The following SSMEM1 variants were observed in gnomAD, a reference collection of about 807,000 sequenced individuals.
SSMEM1 encodes serine-rich single-pass membrane protein 1.
In SSMEM1, 12 loss-of-function variants were observed where a neutral mutation model predicts 9.9. That is an observed-to-expected ratio of 1.21 (90% CI 0.78 to 1.96). The LOEUF (loss-of-function observed/expected upper bound fraction) is 1.96, where lower values mean the gene tolerates loss of function less well. SSMEM1 is among the 30% of genes most tolerant of loss of function. The pLI, the probability that SSMEM1 is intolerant of heterozygous loss-of-function variation, is 0.00. For missense variants in SSMEM1, 259 were observed against 292.2 expected (o/e 0.89, Z 0.83); for synonymous variants, 96 against 98.9 (o/e 0.97, Z 0.17).
intron 1 of SSMEM1, among the ~76,000 whole-genome samples, chr7:130,212,210 TG>T (rs1014083375): frequency 7.2e-5 from 11 of 152,174 alleles, no homozygotes; most frequent in Non-Finnish European, 1.6e-4. Flanking sequence ...TATGGAGTAT[TG>T]GGGGGCAGAA....
chr7:130,205,988 C>T (rs971558102), upstream of SSMEM1, among the ~76,000 whole-genome samples: 1 of 152,156 alleles, frequency 6.6e-6, no homozygotes, highest in Non-Finnish European at 1.5e-5. Context: ...TGGCCCACCG[C>T]GCCCGGCCTA....
rs1456962768 is a variant in SSMEM1 at position 130,216,647 on chromosome 7, A to C, written c.*177A>C. On this transcript the variant is annotated 3_prime_UTR_variant, in exon 3 of 3. Transcript: ENST00000297819. ...CACAATTCTTCGTTCAAAAAAAAAA[A>C]GGCCATCACGTGTTTATGGCACCAT... 1 of 748,828 alleles carries C rather than the reference A, an allele frequency of 1.3e-6. No homozygotes were observed. Among genetic ancestry groups the C allele is most frequent in the Non-Finnish European group, 2.1e-6 (1 of 478,848 alleles). The allele number at this position is 748,828 out of a possible 1,614,324, so 46.4% of individuals were successfully genotyped here.
At chr7:130,210,586 A>G (rs2633381) in intron 1 of SSMEM1, among the ~76,000 whole-genome samples, 151,242 of 152,328 alleles carry the variant, frequency 0.99, 75,088 homozygotes, top group Middle Eastern at 1. Flanking sequence ...TAATCCAAAC[A>G]CCTTATTTTG....
Position 130,207,919 on chromosome 7 carries a change from C to G in SSMEM1, c.9C>G (p.Asp3Glu). 2 of 1,613,524 alleles carry G rather than the reference C, an allele frequency of 1.2e-6. No individual in the cohort carries two copies. Among genetic ancestry groups the G allele is most frequent in the East Asian group, 2.2e-5 (1 of 44,816 alleles). MGDLFSLFWEVDP... is the reference protein window; with the variant it reads MGELFSLFWEVDP... The stretch of plus-strand genomic sequence containing the variant: ...CTGAGCAAGGAGTCATCATGGGAGA[C>G]CTTTTTTCCTTATTTTGGGAGGTAG... Residue 3 changes from aspartate (D) to glutamate (E), a missense_variant, in exon 1 of 3, where the codon GAC becomes GAG. Coordinates refer to ENST00000297819, the MANE Select transcript of SSMEM1 (RefSeq NM_145268.4).
At chr7:130,206,315 C>G (rs557930745), upstream of SSMEM1, among the ~76,000 whole-genome samples, 2 of 152,280 alleles carry the variant, frequency 1.3e-5, no homozygotes, top group Non-Finnish European at 2.9e-5. Context: ...CCCAAGGAGG[C>G]GCATCCAGCC....
chr7:130,214,888 C>T (rs1210820901), intron 2 of SSMEM1, among the ~76,000 whole-genome samples: 1 of 152,202 alleles, frequency 6.6e-6, no homozygotes, highest in Non-Finnish European at 1.5e-5. Context: ...ACATCAAGCC[C>T]TGATGTTTAG....
At chr7:130,208,595 C>T (rs1798533284) in intron 1 of SSMEM1, among the ~76,000 whole-genome samples, 1 of 152,204 alleles carries the variant, frequency 6.6e-6, no homozygotes, top group African/African-American at 2.4e-5. Flanking sequence ...CTATGTAATG[C>T]TGGCATAAAC....
chr7:130,206,644 GAACT>G (rs1196615206), upstream of SSMEM1, among the ~76,000 whole-genome samples: 1 of 152,200 alleles, frequency 6.6e-6, no homozygotes, highest in East Asian at 1.9e-4. Context: ...ATTTAGAGAT[GAACT>G]AACTGGAAAA....
At chr7:130,207,102 CTG>C (rs1485276244), upstream of SSMEM1, 4 of 156,448 alleles carry the variant, frequency 2.6e-5, no homozygotes, top group East Asian at 5.8e-4. Context: ...ACGGGCACAT[CTG>C]TGTTTTTCCC....
In SSMEM1 at chr7:130,207,905, G is replaced by C. The variant is rs1418520442; in HGVS notation, c.-6G>C. ...GCATGGTTTATTTTCTGAGCAAGGA[G>C]TCATCATGGGAGACCTTTTTTCCTT... On this transcript the variant is annotated 5_prime_UTR_variant, in exon 1 of 3. Transcript: ENST00000297819. The C allele has an allele frequency of 8.1e-6, 13 of 1,612,764 alleles. No homozygotes were observed. The highest frequency in any genetic ancestry group is 1.1e-5 in the Non-Finnish European group (13 of 1,179,564).
upstream of SSMEM1, chr7:130,207,652 T>C (rs1798511721): frequency 3.5e-5 from 19 of 549,486 alleles, no homozygotes; most frequent in South Asian, 3.3e-4. Flanking sequence ...CATATACAAG[T>C]TTTAGGAAAA....
At chr7:130,213,815 C>T (rs1267940044) in intron 2 of SSMEM1, among the ~76,000 whole-genome samples, 3 of 151,886 alleles carry the variant, frequency 2.0e-5, no homozygotes, top group Non-Finnish European at 4.4e-5. Flanking sequence ...CAGCCAACAG[C>T]ATTGTAAGAC....
At position 130,208,027 on chromosome 7, in the gene SSMEM1, G is replaced by C. The variant is rs1798521295; in HGVS notation, c.117G>C (p.Gly39=). Residue 39 remains glycine, a synonymous_variant, in exon 1 of 3, where the codon GGG becomes GGC. Transcript: ENST00000297819. ...CWKDDSCGTI[G]SFLLWYFVIV... is the part of the protein sequence containing the mutation. ...AGGATGACTCTTGTGGAACCATAGGGAGCTTCCTGCTTTGGTATTTTGTTA... is the reference window on the plus strand; with the variant it reads ...AGGATGACTCTTGTGGAACCATAGGCAGCTTCCTGCTTTGGTATTTTGTTA... 1 of 1,613,946 alleles carries C rather than the reference G, an allele frequency of 6.2e-7. No individual in the cohort carries two copies. Among genetic ancestry groups the C allele is most frequent in the African/African-American group, 1.3e-5 (1 of 74,910 alleles).
chr7:130,215,687 GA>G (rs1284565546), intron 2 of SSMEM1, among the ~76,000 whole-genome samples: 1 of 152,120 alleles, frequency 6.6e-6, no homozygotes, highest in Non-Finnish European at 1.5e-5. Context: ...TTCTTCCCTG[GA>G]AAAGTTTAGA....
chr7:130,215,696 A>G (rs1011909301), intron 2 of SSMEM1, among the ~76,000 whole-genome samples: 4 of 152,214 alleles, frequency 2.6e-5, no homozygotes, highest in Non-Finnish European at 4.4e-5. Flanking sequence ...GGAAAAGTTT[A>G]GAGATCTTTT....
In SSMEM1 at chr7:130,207,995, T is replaced by C. The variant is rs1193429473; in HGVS notation, c.85T>C (p.Cys29Arg). 1 of 1,614,092 alleles carries C rather than the reference T, an allele frequency of 6.2e-7. No homozygotes were observed. The highest frequency in any genetic ancestry group is 8.5e-7 in the Non-Finnish European group (1 of 1,179,984). Residue 29 changes from cysteine to arginine, a missense_variant, in exon 1 of 3, where the codon TGC (cysteine) becomes CGC (arginine). Physicochemically the swap from Cys to Arg is radical, Grantham distance 180. Transcript: ENST00000297819. ...TGCCATTCCAAATCAGGATTATGAATGCTGGAAGGATGACTCTTGTGGAAC... is the reference window on the plus strand; with the variant it reads ...TGCCATTCCAAATCAGGATTATGAACGCTGGAAGGATGACTCTTGTGGAAC... ...NCAIPNQDYECWKDDSCGTIG... is the reference protein window; with the variant it reads ...NCAIPNQDYERWKDDSCGTIG...
At chr7:130,209,688 T>C (rs1798556324) in intron 1 of SSMEM1, among the ~76,000 whole-genome samples, 1 of 152,246 alleles carries the variant, frequency 6.6e-6, no homozygotes, top group Admixed American at 6.5e-5. Context: ...CCAGTGATTC[T>C]CCTGCCTCAG....
intron 1 of SSMEM1, among the ~76,000 whole-genome samples, chr7:130,212,038 C>G (rs1562906125): frequency 6.6e-6 from 1 of 152,094 alleles, no homozygotes; most frequent in African/African-American, 2.4e-5. Context: ...TTATTTCTTG[C>G]TGATAGATTC....
In SSMEM1 at chr7:130,213,479, G is replaced by C. The variant is rs200558031; in HGVS notation, c.184-1G>C. On this transcript the variant is annotated splice_acceptor_variant, in intron 1 of 2. Transcript: ENST00000297819. LOFTEE classifies it high-confidence loss of function. ...CTTACTAACCTATGTTTCTGAAACA[G>C]ATGTCTGAGGATAAAAAGGATGAAG... 5 of 1,609,454 alleles carry C rather than the reference G, an allele frequency of 3.1e-6. No homozygotes were observed.
Sources: gnomAD v4.1 joint callset for allele counts (sites outside exome capture counted in the v4.1 genomes callset) on GRCh38, gnomAD v4.1.1 for gene constraint, MANE v1.5 for transcripts, NCBI Gene and HGNC (gene_info 2026-07-23, HGNC 2026-07-21) for gene names.